Variants in RIMKLA observed in about 807,000 individuals in gnomAD.
RIMKLA encodes ribosomal modification protein rimK like family member A, also known as N-acetylaspartylglutamate synthase A.
Under a neutral mutation model 32.7 loss-of-function variants are expected in RIMKLA, and 14 were observed. The ratio of observed to expected loss-of-function variants is 0.43; its 90% confidence interval spans 0.28 to 0.67. The LOEUF is 0.67. Among genes scored for constraint, RIMKLA ranks in the 30% least tolerant of loss-of-function variants. The pLI is 0.18. For missense variants in RIMKLA, 410 were observed against 519.0 expected, an observed-to-expected ratio of 0.79 and a Z score of 2.04; for synonymous variants, 176 against 204.1, an observed-to-expected ratio of 0.86 and a Z score of 1.18.
At chr1:42,406,648 A>G (rs1557756504) in intron 3 of RIMKLA, among the ~76,000 whole-genome samples, 1 of 152,076 alleles carries the variant, frequency 6.6e-6, no homozygotes, top group Admixed American at 6.6e-5. Context: ...GAGGGTTCCA[A>G]TTTCTCCATA....
chr1:42,409,159 G>A (rs959833422), intron 3 of RIMKLA, among the ~76,000 whole-genome samples: 10 of 120,752 alleles, frequency 8.3e-5, no homozygotes, highest in Admixed American at 2.3e-4. Flanking sequence ...CCAAGATCGC[G>A]CCACTGCACT....
chr1:42,384,180 G>T (rs1642914852), intron 1 of RIMKLA, among the ~76,000 whole-genome samples: 1 of 152,118 alleles, frequency 6.6e-6, no homozygotes. Context: ...GTAGGATTCA[G>T]ACAAGAGATT....
intron 1 of RIMKLA, among the ~76,000 whole-genome samples, chr1:42,385,763 C>G (rs58337196): frequency 0.44 from 39,301 of 90,312 alleles, 9,157 homozygotes; most frequent in African/African-American, 0.49. Context: ...TTCTTTCTTT[C>G]TTTCTTTGTT....
At chr1:42,399,283 G>A (rs538810556) in intron 1 of RIMKLA, 121 bp from the exon 2 acceptor site, 219 of 690,724 alleles carry the variant, frequency 3.2e-4, no homozygotes, top group Admixed American at 8.1e-4. Context: ...AGGATGTCCA[G>A]GGGGCCAATT....
At chr1:42,384,336 A>G (rs1048688555) in intron 1 of RIMKLA, among the ~76,000 whole-genome samples, 7 of 152,052 alleles carry the variant, frequency 4.6e-5, no homozygotes, top group Non-Finnish European at 7.4e-5. Flanking sequence ...TGTGAAAATC[A>G]TACCCATCTC....
At chr1:42,403,133 T>C (rs1643114901) in intron 2 of RIMKLA, among the ~76,000 whole-genome samples, 1 of 152,170 alleles carries the variant, frequency 6.6e-6, no homozygotes, top group African/African-American at 2.4e-5. Context: ...CAACAAGCAT[T>C]GAACCTCCCT....
Position 42,399,464 on chromosome 1 carries a change from C to T in RIMKLA, c.224C>T (p.Pro75Leu). ...CCGGATGTGGTGCTTGTACGGGTAC[C>T]CACACCCTCAGTGCAGTCAGACAGT... The part of the protein sequence containing the change: ...TFPDVVLVRV[P>L]TPSVQSDSDI... Residue 75 changes from proline (P) to leucine (L), a missense_variant, in exon 2 of 5, where the codon CCC (proline) becomes CTC (leucine). Coordinates refer to ENST00000431473, the MANE Select transcript of RIMKLA (RefSeq NM_173642.4). 1 of 1,613,386 alleles carries T rather than the reference C, an allele frequency of 6.2e-7. No homozygotes were observed. Among genetic ancestry groups the T allele is most frequent in the South Asian group, 1.1e-5 (1 of 90,782 alleles).
At chr1:42,396,703 C>T (rs1643051306) in intron 1 of RIMKLA, among the ~76,000 whole-genome samples, 1 of 152,164 alleles carries the variant, frequency 6.6e-6, no homozygotes, top group Non-Finnish European at 1.5e-5. Flanking sequence ...TGTTGTAAAG[C>T]TGTTTTTCTT....
At chr1:42,394,429 A>G (rs1424761730) in intron 1 of RIMKLA, among the ~76,000 whole-genome samples, 1 of 152,366 alleles carries the variant, frequency 6.6e-6, no homozygotes, top group East Asian at 1.9e-4. Context: ...AGACATTTAT[A>G]GTCAAATCAA....
chr1:42,401,265 A>G (rs1392047319), intron 2 of RIMKLA, among the ~76,000 whole-genome samples: 1 of 152,140 alleles, frequency 6.6e-6, no homozygotes, highest in Non-Finnish European at 1.5e-5. Flanking sequence ...TCACCTCCTG[A>G]TGTGCCGCCC....
intron 1 of RIMKLA, among the ~76,000 whole-genome samples, chr1:42,381,418 A>G (rs1312885322): frequency 6.6e-6 from 1 of 152,206 alleles, no homozygotes; most frequent in East Asian, 1.9e-4. Flanking sequence ...CCACATTTGC[A>G]AATCCTGCTC....
At chr1:42,386,267 C>T (rs946974213) in intron 1 of RIMKLA, among the ~76,000 whole-genome samples, 1 of 151,856 alleles carries the variant, frequency 6.6e-6, no homozygotes, top group Non-Finnish European at 1.5e-5. Context: ...TACCAGAACA[C>T]TTCCACCAAA....
At chr1:42,392,480 G>A (rs1156739673) in intron 1 of RIMKLA, among the ~76,000 whole-genome samples, 1 of 152,104 alleles carries the variant, frequency 6.6e-6, no homozygotes, top group African/African-American at 2.4e-5. Context: ...TTCCTTCCCT[G>A]TCAGTCCCTT....
At chr1:42,395,586 C>T (rs1451562601) in intron 1 of RIMKLA, among the ~76,000 whole-genome samples, 2 of 152,142 alleles carry the variant, frequency 1.3e-5, no homozygotes, top group Non-Finnish European at 2.9e-5. Context: ...AGCAACCAAG[C>T]AGAGCCCTGT....
intron 1 of RIMKLA, among the ~76,000 whole-genome samples, chr1:42,386,614 G>A (rs376960082): frequency 2.2e-4 from 33 of 150,858 alleles, no homozygotes; most frequent in Non-Finnish European, 4.0e-4. Context: ...TGTGGCAGGC[G>A]CTTGTAATCC....
At chr1:42,410,314 A>G in intron 4 of RIMKLA, 127 bp downstream of exon 4, 2 of 767,712 alleles carry the variant, frequency 2.6e-6, no homozygotes, top group South Asian at 3.6e-5. Flanking sequence ...ATGAGGAACA[A>G]ACTCTTTCCT....
chr1:42,396,102 G>T (rs895708259), intron 1 of RIMKLA, among the ~76,000 whole-genome samples: 2 of 151,952 alleles, frequency 1.3e-5, no homozygotes, highest in Non-Finnish European at 2.9e-5. Flanking sequence ...CGGGCATGGT[G>T]GCAGGCACCT....
Position 42,421,658 on chromosome 1 carries a change from A to G in RIMKLA, c.*6684A>G, listed in dbSNP as rs1017741458. 9.2e-5 allele frequency: 14 copies of G among 152,296 alleles called. No homozygotes were observed. Among genetic ancestry groups the G allele is most frequent in the African/African-American group, 3.4e-4 (14 of 41,534 alleles). The allele number at this position is 152,296 out of a possible 1,614,324, so 9.4% of individuals were successfully genotyped here. On this transcript the variant is annotated 3_prime_UTR_variant, in exon 5 of 5. Transcript: ENST00000431473. This position sits in a 1 kb window ranked among gnomAD's most constrained non-coding sequence, Gnocchi z 4.6. The stretch of plus-strand genomic sequence containing the variant: ...GCGGGTGCCTGGTTTGCTTAGTCCC[A>G]CCTTGAGGTCCCGAGTTCCAGTGGT...
At chr1:42,391,884 C>G (rs1307356991) in intron 1 of RIMKLA, among the ~76,000 whole-genome samples, 4 of 151,950 alleles carry the variant, frequency 2.6e-5, no homozygotes, top group Non-Finnish European at 5.9e-5. Flanking sequence ...GAGACAGACC[C>G]AAAGCGATTT....
Sources: allele counts gnomAD v4.1 joint callset (sites outside exome capture counted in the v4.1 genomes callset), GRCh38; gene constraint gnomAD v4.1.1; non-coding constraint Gnocchi (gnomAD v3.1); transcripts MANE v1.5; gene names NCBI Gene and HGNC (gene_info 2026-07-23, HGNC 2026-07-21).